GP1BA: variants seen among roughly 807,000 people sequenced by gnomAD.
The protein encoded by GP1BA is glycoprotein Ib platelet subunit alpha, also known as platelet glycoprotein Ib alpha chain.
In GP1BA, 3 loss-of-function variants were observed where a neutral mutation model predicts 5.6. The observed-to-expected ratio is 0.53, with a 90% CI of 0.24 to 1.38. The LOEUF is 1.38. Ranked by LOEUF, GP1BA falls within the 40% of genes most tolerant of loss-of-function variation. The probability of loss-of-function intolerance (pLI) is 0.16; values close to 1 mark genes in which losing one functional copy is unlikely to be tolerated. For synonymous variants in GP1BA, 323 were observed against 358.3 expected (o/e 0.90, Z 1.11); for missense variants, 707 against 801.4 (o/e 0.88, Z 1.42).
At position 4,932,743 on chromosome 17, in the gene GP1BA, A is replaced by G; in HGVS notation, c.139A>G (p.Lys47Glu). 1 of 1,613,932 alleles carries G rather than the reference A, an allele frequency of 6.2e-7. No homozygotes were observed. Among genetic ancestry groups the G allele is most frequent in the East Asian group, 2.2e-5 (1 of 44,876 alleles). Residue 47 changes from lysine (K) to glutamate (E), a missense_variant, in exon 2 of 2, where the codon AAA (lysine) becomes GAA (glutamate). Physicochemically the swap from Lys to Glu is moderately conservative, Grantham distance 56. This residue lies in a region of GP1BA where 442 missense variants were observed against 498.8 expected (regional missense o/e 0.89). Transcript: ENST00000329125. The surrounding 1 kb of genome is among the most constrained non-coding windows in gnomAD (Gnocchi z 4.8). Reference sequence around the variant, plus strand: ...GACAGCGCTGCCTCCAGACCTGCCGAAAGACACAACCATCCTCCACCTGAG... The same window carrying G: ...GACAGCGCTGCCTCCAGACCTGCCGGAAGACACAACCATCCTCCACCTGAG... The part of the protein sequence containing the change: ...NLTALPPDLP[K>E]DTTILHLSEN...
rs121908062 is a variant in GP1BA, at chr17:4,933,350, G to A, written c.746G>A (p.Gly249Asp). ...GAAAATGTCTACGTATGGAAGCAAGGTGTGGACGTCAAGGCCATGACCTCT... is the reference window on the plus strand; with the variant it reads ...GAAAATGTCTACGTATGGAAGCAAGATGTGGACGTCAAGGCCATGACCTCT... Reference protein sequence around the residue: ...NAENVYVWKQGVDVKAMTSNV... With the variant: ...NAENVYVWKQDVDVKAMTSNV... Residue 249 changes from glycine (G) to aspartate (D), a missense_variant, in exon 2 of 2, where the codon GGT becomes GAT. By Grantham distance (94) the Gly-to-Asp change is moderately conservative. Transcript: ENST00000329125. The A allele has an allele frequency of 6.2e-7, 1 of 1,614,000 alleles. No homozygotes were observed. The highest frequency in any genetic ancestry group is 8.5e-7 in the Non-Finnish European group (1 of 1,179,888).
At position 4,933,948 on chromosome 17, in the gene GP1BA, C is replaced by T. The variant is rs41466145; in HGVS notation, c.1344C>T (p.Thr448=). The change falls in exon 2 of 2, where the codon ACC becomes ACT. Residue 448 remains threonine, a synonymous_variant. Transcript: ENST00000329125. The part of the protein sequence containing the change: ...EPTSEPAPSP[T]TPEPTPIPTI... ...CCTCAGAGCCCGCCCCCAGCCCGAC[C>T]ACCCCGGAGCCCACCCCAATCCCGA... is the stretch of plus-strand genomic sequence containing the variant. 0.042 allele frequency: 52,907 copies of T among 1,258,884 alleles called. 2,256 individuals carry two copies. The highest frequency in any genetic ancestry group is 0.049 in the Non-Finnish European group (46,888 of 958,228). The allele number at this position is 1,258,884 out of a possible 1,614,324, so 78.0% of individuals were successfully genotyped here.
At position 4,933,427 on chromosome 17, in the gene GP1BA, T is replaced by C; in HGVS notation, c.823T>C (p.Tyr275His). ...DNSDKFPVYK[Y>H]PGKGCPTLGD... is the part of the protein sequence containing the mutation. ...TTCAGACAAGTTTCCCGTCTACAAATACCCAGGAAAGGGGTGCCCCACCCT... is the reference window on the plus strand; with the variant it reads ...TTCAGACAAGTTTCCCGTCTACAAACACCCAGGAAAGGGGTGCCCCACCCT... The change falls in exon 2 of 2, where the codon TAC becomes CAC. Residue 275 changes from tyrosine (Y) to histidine (H), a missense_variant. This residue lies in a region of GP1BA where 442 missense variants were observed against 498.8 expected (regional missense o/e 0.89). Coordinates refer to ENST00000329125, the MANE Select transcript of GP1BA (RefSeq NM_000173.7). 1.2e-6 allele frequency: 2 copies of C among 1,613,866 alleles called. No individual in the cohort carries two copies. The highest frequency in any genetic ancestry group is 8.5e-7 in the Non-Finnish European group (1 of 1,179,842).
Position 4,932,459 on chromosome 17 carries a change from G to C in GP1BA, c.-7+94G>C. The C allele has an allele frequency of 7.6e-7, 1 of 1,311,262 alleles. No individual in the cohort carries two copies. The allele number at this position is 1,311,262 out of a possible 1,614,324, so 81.2% of individuals were successfully genotyped here. A position where few individuals can be genotyped will look rare whatever the true frequency, so the allele number is the denominator to read the frequency against. On this transcript the variant is annotated intron_variant, in intron 1 of 1. Coordinates refer to ENST00000329125, the MANE Select transcript of GP1BA (RefSeq NM_000173.7). The surrounding 1 kb of genome is among the most constrained non-coding windows in gnomAD (Gnocchi z 4.8). Reference sequence around the variant, plus strand: ...TAGTAGTTTTAAGTTCTGCAGGCAAGGGTGGGAGATGGGAGTAGGGAGGAC... The same window carrying C: ...TAGTAGTTTTAAGTTCTGCAGGCAACGGTGGGAGATGGGAGTAGGGAGGAC...
chr17:4,933,712 A>G lies in GP1BA; in HGVS notation c.1108A>G (p.Ile370Val), dbSNP rs1000836753. The stretch of plus-strand genomic sequence containing the variant: ...AAATTTCACACTTCACATGGAATCC[A>G]TCACATTCTCCAAAACTCCAAAATC... ...TPNFTLHMESITFSKTPKSTT... is the reference protein window; with the variant it reads ...TPNFTLHMESVTFSKTPKSTT... Residue 370 changes from isoleucine (I) to valine (V), a missense_variant, in exon 2 of 2, where the codon ATC becomes GTC. By Grantham distance (29) the Ile-to-Val change is conservative. Around this residue, in one of 3 missense-constraint regions of GP1BA, gnomAD observed 442 missense variants for 498.8 expected, o/e 0.89. Coordinates refer to ENST00000329125, the MANE Select transcript of GP1BA (RefSeq NM_000173.7). 4.9e-5 allele frequency: 79 copies of G among 1,613,768 alleles called. No homozygotes were observed. The highest frequency in any genetic ancestry group is 6.7e-5 in the Non-Finnish European group (79 of 1,179,868).
At position 4,933,417 on chromosome 17, in the gene GP1BA, C is replaced by T. The variant is rs376204245; in HGVS notation, c.813C>T (p.Pro271=). 44 of 1,613,740 alleles carry T rather than the reference C, an allele frequency of 2.7e-5. No individual in the cohort carries two copies. Among genetic ancestry groups the T allele is most frequent in the Middle Eastern group, 1.6e-4 (1 of 6,084 alleles). The change falls in exon 2 of 2, where the codon CCC becomes CCT. Residue 271 remains proline, a synonymous_variant. Coordinates refer to ENST00000329125, the MANE Select transcript of GP1BA (RefSeq NM_000173.7). ...SVQCDNSDKF[P]VYKYPGKGCP... Reference sequence around the variant, plus strand: ...AGTGTGACAATTCAGACAAGTTTCCCGTCTACAAATACCCAGGAAAGGGGT... The same window carrying T: ...AGTGTGACAATTCAGACAAGTTTCCTGTCTACAAATACCCAGGAAAGGGGT...
At position 4,932,871 on chromosome 17, in the gene GP1BA, T is replaced by C. The variant is rs1189342171; in HGVS notation, c.267T>C (p.Asp89=). 3 of 1,614,038 alleles carry C rather than the reference T, an allele frequency of 1.9e-6. No homozygotes were observed. Among genetic ancestry groups the C allele is most frequent in the Non-Finnish European group, 2.5e-6 (3 of 1,179,902 alleles). ...DRCELTKLQV[D]GTLPVLGTLD... is the part of the protein sequence containing the mutation. ...GCGAGCTCACCAAGCTCCAGGTCGA[T>C]GGGACGCTGCCAGTGCTGGGGACCC... Residue 89 remains aspartate (D), a synonymous_variant, in exon 2 of 2, where the codon GAT becomes GAC. Coordinates refer to ENST00000329125, the MANE Select transcript of GP1BA (RefSeq NM_000173.7). The surrounding 1 kb of genome is among the most constrained non-coding windows in gnomAD (Gnocchi z 4.8).
chr17:4,933,477 A>G lies in GP1BA; in HGVS notation c.873A>G (p.Leu291=), dbSNP rs377550290. The G allele has an allele frequency of 2.5e-6, 4 of 1,613,828 alleles. No individual in the cohort carries two copies. The African/African-American group carries it at 4.0e-5, about 16-fold the overall frequency. The change falls in exon 2 of 2, where the codon CTA becomes CTG. Residue 291 remains leucine, a synonymous_variant. Coordinates refer to ENST00000329125, the MANE Select transcript of GP1BA (RefSeq NM_000173.7). ...PTLGDEGDTD[L]YDYYPEEDTE... ...TTGGTGATGAAGGTGACACAGACCTATATGATTACTACCCAGAAGAGGACA... is the reference window on the plus strand; with the variant it reads ...TTGGTGATGAAGGTGACACAGACCTGTATGATTACTACCCAGAAGAGGACA...
At position 4,932,428 on chromosome 17, in the gene GP1BA, TG is replaced by T; in HGVS notation, c.-7+65del. On this transcript the variant is annotated intron_variant, in intron 1 of 1. Transcript: ENST00000329125. This position sits in a 1 kb window ranked among gnomAD's most constrained non-coding sequence, Gnocchi z 4.8. Reference sequence around the variant, plus strand: ...GAGGGAGGGGAAAGAGCCAAGGACCTGGAGCTAGTAGTTTTAAGTTCTGCAG... The same window carrying T: ...GAGGGAGGGGAAAGAGCCAAGGACCTGAGCTAGTAGTTTTAAGTTCTGCAG... The T allele has an allele frequency of 7.4e-7, 1 of 1,357,252 alleles. No individual in the cohort carries two copies. Among genetic ancestry groups the T allele is most frequent in the Non-Finnish European group, 9.7e-7 (1 of 1,030,818 alleles). The allele number at this position is 1,357,252 out of a possible 1,614,324, so 84.1% of individuals were successfully genotyped here. A position where few individuals can be genotyped will look rare whatever the true frequency, so the allele number is the denominator to read the frequency against.
At position 4,934,313 on chromosome 17, in the gene GP1BA, C is replaced by T. The variant is rs1379123444; in HGVS notation, c.1709C>T (p.Ala570Val). The change falls in exon 2 of 2, where the codon GCT becomes GTT. Residue 570 changes from alanine to valine, a missense_variant. By Grantham distance (64) the Ala-to-Val change is moderately conservative (BLOSUM62 0). Around this residue, in one of 3 missense-constraint regions of GP1BA, gnomAD observed 247 missense variants for 246.6 expected, o/e 1.00. Coordinates refer to ENST00000329125, the MANE Select transcript of GP1BA (RefSeq NM_000173.7). ...GCCCTGGACTCTGGCCAAGGTGCTG[C>T]TCTGACCACAGCCACACAAACCACA... ...PQALDSGQGA[A>V]LTTATQTTHL... The T allele has an allele frequency of 6.2e-7, 1 of 1,614,010 alleles. No individual in the cohort carries two copies. Among genetic ancestry groups the T allele is most frequent in the East Asian group, 2.2e-5 (1 of 44,890 alleles).
In GP1BA at chr17:4,934,772, CA is replaced by C. The variant is rs1439815958; in HGVS notation, c.*211del. The C allele has an allele frequency of 1.6e-6, 1 of 620,796 alleles. No homozygotes were observed. The highest frequency in any genetic ancestry group is 2.9e-6 in the Non-Finnish European group (1 of 344,558). 38.5% of individuals were successfully genotyped at this position (620,796 alleles called of 1,614,324 possible). Reference sequence around the variant, plus strand: ...TAATGACATGGACTTGGCGGGGGGACAAGACAAAGCTCCCGATGCTGCATGG... The same window carrying C: ...TAATGACATGGACTTGGCGGGGGGACAGACAAAGCTCCCGATGCTGCATGG... On this transcript the variant is annotated 3_prime_UTR_variant, in exon 2 of 2. Transcript: ENST00000329125.
In GP1BA at chr17:4,933,491, C is replaced by G; in HGVS notation, c.887C>G (p.Pro296Arg). 6.2e-7 allele frequency: 1 copy of G among 1,613,878 alleles called. No individual in the cohort carries two copies. Among genetic ancestry groups the G allele is most frequent in the Non-Finnish European group, 8.5e-7 (1 of 1,179,846 alleles). Reference sequence around the variant, plus strand: ...GACACAGACCTATATGATTACTACCCAGAAGAGGACACTGAGGGCGATAAG... The same window carrying G: ...GACACAGACCTATATGATTACTACCGAGAAGAGGACACTGAGGGCGATAAG... ...EGDTDLYDYY[P>R]EEDTEGDKVR... The change falls in exon 2 of 2, where the codon CCA becomes CGA. Residue 296 changes from proline (P) to arginine (R), a missense_variant. By Grantham distance (103) the Pro-to-Arg change is moderately radical (BLOSUM62 -2). Transcript: ENST00000329125.
At position 4,933,617 on chromosome 17, in the gene GP1BA, T is replaced by C. The variant is rs1970375813; in HGVS notation, c.1013T>C (p.Met338Thr). ...TCCACTGCTTCTCTAGACAGCCAAA[T>C]GCCCTCCTCCTTGCATCCAACACAA... The part of the protein sequence containing the change: ...SWSTASLDSQ[M>T]PSSLHPTQES... The change falls in exon 2 of 2, where the codon ATG becomes ACG. Residue 338 changes from methionine (M) to threonine (T), a missense_variant. By Grantham distance (81) the Met-to-Thr change is moderately conservative. Around this residue, in one of 3 missense-constraint regions of GP1BA, gnomAD observed 442 missense variants for 498.8 expected, o/e 0.89. Transcript: ENST00000329125. 1 of 1,613,752 alleles carries C rather than the reference T, an allele frequency of 6.2e-7. No individual in the cohort carries two copies. The highest frequency in any genetic ancestry group is 8.5e-7 in the Non-Finnish European group (1 of 1,179,872).
chr17:4,932,769 T>A lies in GP1BA; in HGVS notation c.165T>A (p.Ser55Arg). 6.2e-7 allele frequency: 1 copy of A among 1,613,798 alleles called. No individual in the cohort carries two copies. Among genetic ancestry groups the A allele is most frequent in the Non-Finnish European group, 8.5e-7 (1 of 1,179,718 alleles). The change falls in exon 2 of 2, where the codon AGT becomes AGA. Residue 55 changes from serine (S) to arginine (R), a missense_variant. Ser to Arg is a moderately radical substitution (Grantham distance 110). This residue lies in a region of GP1BA where 442 missense variants were observed against 498.8 expected (regional missense o/e 0.89). Coordinates refer to ENST00000329125, the MANE Select transcript of GP1BA (RefSeq NM_000173.7). The surrounding 1 kb of genome is among the most constrained non-coding windows in gnomAD (Gnocchi z 4.8). ...LPKDTTILHLSENLLYTFSLA... is the reference protein window; with the variant it reads ...LPKDTTILHLRENLLYTFSLA... ...AAGACACAACCATCCTCCACCTGAGTGAGAACCTCCTGTACACCTTCTCCC... is the reference window on the plus strand; with the variant it reads ...AAGACACAACCATCCTCCACCTGAGAGAGAACCTCCTGTACACCTTCTCCC...
chr17:4,934,684 T>G lies in GP1BA; in HGVS notation c.*121T>G. On this transcript the variant is annotated 3_prime_UTR_variant, in exon 2 of 2. Coordinates refer to ENST00000329125, the MANE Select transcript of GP1BA (RefSeq NM_000173.7). ...GGAGGGGTCTTAGTTCCTTTTTCTG[T>G]ATCAGAAGCCCTGTCTTCACAACAC... 1.0e-6 allele frequency: 1 copy of G among 995,514 alleles called. No individual in the cohort carries two copies. The highest frequency in any genetic ancestry group is 1.5e-6 in the Non-Finnish European group (1 of 653,234). 61.7% of individuals were successfully genotyped at this position (995,514 alleles called of 1,614,324 possible).
rs1056571416 is a variant in GP1BA at position 4,933,993 on chromosome 17, C to T, written c.1389C>T (p.Thr463=). The T allele has an allele frequency of 6.2e-7, 1 of 1,608,834 alleles. No individual in the cohort carries two copies. The highest frequency in any genetic ancestry group is 1.3e-5 in the African/African-American group (1 of 74,730). The change falls in exon 2 of 2, where the codon ACC becomes ACT. Residue 463 remains threonine, a synonymous_variant. Coordinates refer to ENST00000329125, the MANE Select transcript of GP1BA (RefSeq NM_000173.7). ...TCCCGACCATCGCCACAAGCCCGAC[C>T]ATCCTGGTGTCTGCCACAAGCCTGA... ...TPIPTIATSP[T]ILVSATSLIT... is the part of the protein sequence containing the mutation.
chr17:4,933,590 G>C lies in GP1BA; in HGVS notation c.986G>C (p.Trp329Ser). 1 of 1,613,778 alleles carries C rather than the reference G, an allele frequency of 6.2e-7. No individual in the cohort carries two copies. The highest frequency in any genetic ancestry group is 1.3e-5 in the African/African-American group (1 of 74,928). Residue 329 changes from tryptophan to serine, a missense_variant, in exon 2 of 2, where the codon TGG (tryptophan) becomes TCG (serine). Physicochemically the swap from Trp to Ser is radical, Grantham distance 177 (BLOSUM62 -3). This residue lies in a region of GP1BA where 442 missense variants were observed against 498.8 expected (regional missense o/e 0.89). Coordinates refer to ENST00000329125, the MANE Select transcript of GP1BA (RefSeq NM_000173.7). The stretch of plus-strand genomic sequence containing the variant: ...ACCCCCTGGGGTCTATTCTACTCAT[G>C]GTCCACTGCTTCTCTAGACAGCCAA... ...HTTPWGLFYS[W>S]STASLDSQMP... is the part of the protein sequence containing the mutation.
chr17:4,932,346 G>C lies in GP1BA; in HGVS notation c.-26G>C. 1 of 1,357,076 alleles carries C rather than the reference G, an allele frequency of 7.4e-7. No individual in the cohort carries two copies. Among genetic ancestry groups the C allele is most frequent in the Non-Finnish European group, 9.5e-7 (1 of 1,051,980 alleles). The allele number at this position is 1,357,076 out of a possible 1,614,324, so 84.1% of individuals were successfully genotyped here. A position where few individuals can be genotyped will look rare whatever the true frequency, so the allele number is the denominator to read the frequency against. The stretch of plus-strand genomic sequence containing the variant: ...ACCCTAGAAGACGCTCTGTGCCTTC[G>C]GAGGTCTTTCTGCCTGCCTGTAAGC... On this transcript the variant is annotated 5_prime_UTR_variant, in exon 1 of 2. Coordinates refer to ENST00000329125, the MANE Select transcript of GP1BA (RefSeq NM_000173.7). This position sits in a 1 kb window ranked among gnomAD's most constrained non-coding sequence, Gnocchi z 4.8.
Position 4,933,684 on chromosome 17 carries a change from C to A in GP1BA, c.1080C>A (p.Thr360=), listed in dbSNP as rs762695334. 6.2e-7 allele frequency: 1 copy of A among 1,613,776 alleles called. No individual in the cohort carries two copies. The highest frequency in any genetic ancestry group is 1.3e-5 in the African/African-American group (1 of 74,868). ...KEQTTFPPRW[T]PNFTLHMESI... ...AGACCACATTCCCACCTAGATGGAC[C>A]CCAAATTTCACACTTCACATGGAAT... Residue 360 remains threonine (T), a synonymous_variant, in exon 2 of 2, where the codon ACC becomes ACA. Transcript: ENST00000329125.
Sources: allele counts gnomAD v4.1 joint callset, GRCh38; gene constraint gnomAD v4.1.1; regional missense constraint gnomAD v4.1.1; non-coding constraint Gnocchi (gnomAD v3.1); transcripts MANE v1.5; gene names NCBI Gene and HGNC (gene_info 2026-07-23, HGNC 2026-07-21).